Variants in ADK observed in about 807,000 individuals in gnomAD.
ADK encodes adenosine kinase.
In ADK, 24 loss-of-function variants were observed where a neutral mutation model predicts 44.7. The observed-to-expected ratio is 0.54, with a 90% CI of 0.39 to 0.76. The LOEUF (loss-of-function observed/expected upper bound fraction) is 0.76, where lower values mean the gene tolerates loss of function less well. Ranked by LOEUF, ADK falls within the 30% of genes least tolerant of loss-of-function variation. The pLI is 0.00. For synonymous variants in ADK, 128 were observed against 142.6 expected (o/e 0.90, Z 0.73); for missense variants, 321 against 425.1 (o/e 0.76, Z 2.15).
At chr10:74,382,102 CT>C (rs1184585710) in intron 4 of ADK, among the ~76,000 whole-genome samples, 1 of 151,770 alleles carries the variant, frequency 6.6e-6, no homozygotes, top group African/African-American at 2.4e-5. Context: ...CCTCACCTTC[CT>C]TTTTCTTTTC....
intron 3 of ADK, among the ~76,000 whole-genome samples, chr10:74,297,275 T>G (rs1307949842): frequency 6.6e-6 from 1 of 152,246 alleles, no homozygotes; most frequent in Non-Finnish European, 1.5e-5. Flanking sequence ...TATTTACTAT[T>G]CAGTATCACT....
chr10:74,467,940 CCCAGGTCTTTT>C (rs1846420888), intron 6 of ADK, among the ~76,000 whole-genome samples: 1 of 152,108 alleles, frequency 6.6e-6, no homozygotes, highest in Non-Finnish European at 1.5e-5. Context: ...AATTCTCAAA[CCCAGGTCTTTT>C]CCTGTATACC....
rs1554896330 is a variant in ADK, at chr10:74,674,886, A to AAAATT, written c.964+4619_964+4620insATTAA. Among the ~76,000 whole-genome samples, 3 of 150,520 alleles carry AAAATT rather than the reference A, an allele frequency of 2.0e-5. No individual in the cohort carries two copies. The East Asian group carries it at 5.9e-4, about 29-fold the overall frequency. On this transcript the variant is annotated intron_variant, in intron 10 of 10. Coordinates refer to ENST00000539909, the MANE Select transcript of ADK (RefSeq NM_006721.4). ...GACAGAGTGAGACCCTGTCTCAAAA[A>AAAATT]AATTAATTAATTAATTAATAAAATA...
Position 74,267,553 on chromosome 10 carries a change from T to C in ADK, c.194+42962T>C, listed in dbSNP as rs550278248. Among the ~76,000 whole-genome samples, 20 of 152,274 alleles carry C rather than the reference T, an allele frequency of 1.3e-4. 1 individual carries two copies. In the South Asian group the frequency reaches 4.1e-3, roughly 32 times the overall value. On this transcript the variant is annotated intron_variant, in intron 3 of 10. Coordinates refer to ENST00000539909, the MANE Select transcript of ADK (RefSeq NM_006721.4). ...ACACCATTAAATTTTTGTTGATATG[T>C]GTATCGTGCAGGTGACAGAAACCCT...
chr10:74,446,214 G>T (rs1187629735), intron 6 of ADK, among the ~76,000 whole-genome samples: 1 of 151,652 alleles, frequency 6.6e-6, no homozygotes, highest in Non-Finnish European at 1.5e-5. Flanking sequence ...GGAGGAGAGG[G>T]GGCAATCTTG....
At chr10:74,436,432 A>T (rs1564721221) in intron 6 of ADK, among the ~76,000 whole-genome samples, 1 of 151,882 alleles carries the variant, frequency 6.6e-6, no homozygotes, top group African/African-American at 2.4e-5. Flanking sequence ...AGTGGAATTG[A>T]ATCATCATAA....
chr10:74,617,395 T>A (rs1200774145), intron 9 of ADK, among the ~76,000 whole-genome samples: 2 of 152,238 alleles, frequency 1.3e-5, no homozygotes, highest in African/African-American at 2.4e-5. Context: ...AGAGATTTTT[T>A]AAAAATCATG....
chr10:74,506,520 C>T (rs1270917686), intron 6 of ADK: 1 of 154,444 alleles, frequency 6.5e-6, no homozygotes, highest in Non-Finnish European at 1.4e-5. Context: ...ATGCAATTTA[C>T]TGTAAGATGT....
intron 1 of ADK, among the ~76,000 whole-genome samples, chr10:74,162,521 T>TG (rs1841932111): frequency 6.3e-5 from 9 of 141,882 alleles, no homozygotes; most frequent in South Asian, 2.4e-4. Flanking sequence ...TGCATTTCTT[T>TG]TGTGTGTGTG....
Position 74,616,222 on chromosome 10 carries a change from T to C in ADK, c.877+15729T>C, listed in dbSNP as rs537640174. 9.8e-5 allele frequency among the ~76,000 whole-genome samples: 15 copies of C among 152,312 alleles called. No individual in the cohort carries two copies. In the South Asian group the frequency reaches 1.2e-3, roughly 13 times the overall value. On this transcript the variant is annotated intron_variant, in intron 9 of 10. Coordinates refer to ENST00000539909, the MANE Select transcript of ADK (RefSeq NM_006721.4). ...GATAAACAAAAGTTCTTGATTTTAA[T>C]ATAGGGCAATTCATAATGTTTTCCC...
chr10:74,694,243 C>G (rs1856095486), intron 10 of ADK, among the ~76,000 whole-genome samples: 1 of 123,646 alleles, frequency 8.1e-6, no homozygotes, highest in Non-Finnish European at 1.6e-5. Context: ...GAAGGAAACA[C>G]AAGTAGAAAT....
intron 3 of ADK, among the ~76,000 whole-genome samples, chr10:74,304,978 A>C (rs1379928448): frequency 6.6e-6 from 1 of 152,258 alleles, no homozygotes; most frequent in African/African-American, 2.4e-5. Context: ...ACTTCCTCAG[A>C]TACCAAAATC....
chr10:74,691,507 G>T (rs955267269), intron 10 of ADK, among the ~76,000 whole-genome samples: 1 of 152,156 alleles, frequency 6.6e-6, no homozygotes, highest in African/African-American at 2.4e-5. Flanking sequence ...GAGCAAGGGT[G>T]GGGTGAGGGA....
chr10:74,287,292 CT>C (rs897975080), intron 3 of ADK, among the ~76,000 whole-genome samples: 5 of 151,940 alleles, frequency 3.3e-5, no homozygotes, highest in Non-Finnish European at 5.9e-5. Flanking sequence ...GTGAAACCCC[CT>C]GTCTACTAAA....
intron 6 of ADK, among the ~76,000 whole-genome samples, chr10:74,475,980 C>T (rs960675062): frequency 6.6e-6 from 1 of 152,118 alleles, no homozygotes; most frequent in Non-Finnish European, 1.5e-5. Context: ...TATACATAGA[C>T]ACACATTGTA....
intron 6 of ADK, among the ~76,000 whole-genome samples, chr10:74,465,592 A>G (rs2133265467): frequency 6.6e-6 from 1 of 152,320 alleles, no homozygotes; most frequent in East Asian, 1.9e-4. Context: ...GCAATAATCC[A>G]GTGGGAGATA....
At chr10:74,630,741 G>T (rs2134058654) in intron 9 of ADK, among the ~76,000 whole-genome samples, 1 of 152,152 alleles carries the variant, frequency 6.6e-6, no homozygotes, top group Non-Finnish European at 1.5e-5. Flanking sequence ...TCATGGGGAG[G>T]TACTTCAAGA....
At chr10:74,428,229 T>C (rs182043896) in intron 6 of ADK, among the ~76,000 whole-genome samples, 1 of 152,320 alleles carries the variant, frequency 6.6e-6, no homozygotes. Flanking sequence ...ACAGGGTTAG[T>C]ACCTGATTAT....
chr10:74,517,553 G>A (rs1332069824), intron 6 of ADK, among the ~76,000 whole-genome samples: 3 of 151,838 alleles, frequency 2.0e-5, no homozygotes, highest in Non-Finnish European at 2.9e-5. Context: ...GCTGGGCGTC[G>A]TGGTGCATGC....
Sources: gnomAD v4.1 joint callset for allele counts (sites outside exome capture counted in the v4.1 genomes callset) on GRCh38, gnomAD v4.1.1 for gene constraint, MANE v1.5 for transcripts, NCBI Gene and HGNC (gene_info 2026-07-23, HGNC 2026-07-21) for gene names.